Variants in CTNNA3 observed in about 807,000 individuals in gnomAD.
CTNNA3 encodes the protein catenin alpha 3.
In CTNNA3, 76 loss-of-function variants were observed where a neutral mutation model predicts 95.7. That is an observed-to-expected ratio of 0.79 (90% confidence interval 0.66 to 0.96). CTNNA3 has a LOEUF of 0.96. Among genes scored for constraint, CTNNA3 ranks in the 40% least tolerant of loss-of-function variants. The pLI is 0.00. For missense variants in CTNNA3, 1,191 were observed against 1,089.8 expected, an observed-to-expected ratio of 1.09 and a Z score of -1.31; for synonymous variants, 431 against 374.4, an observed-to-expected ratio of 1.15 and a Z score of -1.74.
intron 11 of CTNNA3, among the ~76,000 whole-genome samples, chr10:66,420,798 CAAATAAATAAATAAAT>C (rs547995552): frequency 3.0e-4 from 35 of 115,228 alleles, no homozygotes; most frequent in African/African-American, 1.0e-3. Flanking sequence ...GACTCTGTCT[CAAATAAATAAATAAAT>C]AAATAAATAA....
At chr10:66,439,115 G>A (rs1203071268) in intron 11 of CTNNA3, among the ~76,000 whole-genome samples, 2 of 152,104 alleles carry the variant, frequency 1.3e-5, no homozygotes, top group South Asian at 2.1e-4. Flanking sequence ...CCTGGGAGCT[G>A]AAGACCGGAG....
chr10:66,009,806 G>A (rs1225209135), intron 15 of CTNNA3, among the ~76,000 whole-genome samples: 1 of 152,206 alleles, frequency 6.6e-6, no homozygotes, highest in Non-Finnish European at 1.5e-5. Flanking sequence ...GTCCATGGCT[G>A]ACTCATGCTC....
chr10:67,341,025 A>G (rs1242063885), intron 5 of CTNNA3, among the ~76,000 whole-genome samples: 1 of 152,174 alleles, frequency 6.6e-6, no homozygotes, highest in Non-Finnish European at 1.5e-5. Flanking sequence ...GAAATAAGAC[A>G]TATAGGTTTT....
At chr10:66,333,605 A>G (rs2092357799) in intron 12 of CTNNA3, among the ~76,000 whole-genome samples, 1 of 151,786 alleles carries the variant, frequency 6.6e-6, no homozygotes, top group African/African-American at 2.4e-5. Context: ...AGTTTTTTAC[A>G]ATTTCTGTTC....
At chr10:66,269,415 A>G (rs2091229127) in intron 13 of CTNNA3, among the ~76,000 whole-genome samples, 5 of 152,208 alleles carry the variant, frequency 3.3e-5, no homozygotes, top group Admixed American at 3.3e-4. Context: ...GAGACAAAAG[A>G]AGATATATAA....
chr10:67,203,214 A>C (rs1278053874), intron 6 of CTNNA3, among the ~76,000 whole-genome samples: 1 of 152,108 alleles, frequency 6.6e-6, no homozygotes, highest in Non-Finnish European at 1.5e-5. Flanking sequence ...AAGATAAATG[A>C]ATCATGGGGG....
In CTNNA3 at chr10:67,231,752, G is replaced by A. The variant is rs1219551923; in HGVS notation, c.580-11882C>T. Reference sequence around the variant, plus strand: ...CATTCAAACCAAAGGCAAAGAAGTTGAAAACTTTGAAAAAAATTTAGAAGA... The same window carrying A: ...CATTCAAACCAAAGGCAAAGAAGTTAAAAACTTTGAAAAAAATTTAGAAGA... On this transcript the variant is annotated intron_variant, in intron 5 of 17. Coordinates refer to ENST00000433211, the MANE Select transcript of CTNNA3 (RefSeq NM_013266.4). 2.6e-5 allele frequency among the ~76,000 whole-genome samples: 4 copies of A among 152,044 alleles called. No homozygotes were observed. In the East Asian group the frequency reaches 7.7e-4, roughly 29 times the overall value.
chr10:66,594,838 C>A (rs987954511), intron 10 of CTNNA3, among the ~76,000 whole-genome samples: 1 of 152,080 alleles, frequency 6.6e-6, no homozygotes, highest in Non-Finnish European at 1.5e-5. Flanking sequence ...TTACAAGAAT[C>A]TTTTGTACTT....
intron 5 of CTNNA3, among the ~76,000 whole-genome samples, chr10:67,282,662 C>T (rs376149859): frequency 6.6e-6 from 1 of 152,144 alleles, no homozygotes; most frequent in Non-Finnish European, 1.5e-5. Flanking sequence ...GGGTATGGAG[C>T]TTTTGAGGCA....
chr10:67,249,312 C>T (rs913686182), intron 5 of CTNNA3, among the ~76,000 whole-genome samples: 2 of 152,112 alleles, frequency 1.3e-5, no homozygotes, highest in African/African-American at 4.8e-5. Context: ...ATACAGTCAT[C>T]CCACAGTACC....
intron 15 of CTNNA3, among the ~76,000 whole-genome samples, chr10:66,036,904 G>A (rs10996841): frequency 0.041 from 4,656 of 112,608 alleles, 112 homozygotes; most frequent in Admixed American, 0.11. Flanking sequence ...ACTGAGTCTC[G>A]CCCTGTCGCC....
At chr10:66,807,185 T>G (rs1841687392) in intron 7 of CTNNA3, among the ~76,000 whole-genome samples, 1 of 151,992 alleles carries the variant, frequency 6.6e-6, no homozygotes, top group African/African-American at 2.4e-5. Flanking sequence ...TGTGAAAAAT[T>G]ACCTACTTGT....
intron 11 of CTNNA3, among the ~76,000 whole-genome samples, chr10:66,423,467 C>T (rs1478667029): frequency 2.0e-5 from 3 of 152,152 alleles, no homozygotes; most frequent in Non-Finnish European, 4.4e-5. Context: ...TGATCAAAAA[C>T]CACCTAAATC....
intron 14 of CTNNA3, chr10:66,079,020 T>C (rs2080641836): frequency 6.6e-6 from 1 of 151,882 alleles, no homozygotes; most frequent in Non-Finnish European, 1.5e-5. Flanking sequence ...ACCACAAAGA[T>C]GGAAAAGAAA....
At chr10:67,077,268 A>G (rs1217748865) in intron 7 of CTNNA3, among the ~76,000 whole-genome samples, 4 of 152,166 alleles carry the variant, frequency 2.6e-5, no homozygotes, top group Non-Finnish European at 5.9e-5. Context: ...ACTTTTGTCA[A>G]TGCAAACCAG....
chr10:67,740,957 C>T (rs896802618), intron 1 of CTNNA3, among the ~76,000 whole-genome samples: 1 of 151,372 alleles, frequency 6.6e-6, no homozygotes, highest in Non-Finnish European at 1.5e-5. Context: ...GGTACATATA[C>T]ACCATGGAAT....
chr10:67,151,502 G>A (rs1289839881), intron 7 of CTNNA3, among the ~76,000 whole-genome samples: 4 of 152,078 alleles, frequency 2.6e-5, no homozygotes, highest in Non-Finnish European at 5.9e-5. Context: ...AGATAATCAG[G>A]AACAAAACAA....
intron 9 of CTNNA3, among the ~76,000 whole-genome samples, chr10:66,711,599 A>C (rs1848297973): frequency 6.6e-6 from 1 of 151,716 alleles, no homozygotes; most frequent in African/African-American, 2.4e-5. Context: ...TCCAGGCTGG[A>C]GTGCAATGGC....
chr10:66,460,477 G>A (rs986699066), intron 11 of CTNNA3, among the ~76,000 whole-genome samples: 1 of 152,118 alleles, frequency 6.6e-6, no homozygotes, highest in African/African-American at 2.4e-5. Flanking sequence ...TAGACTTCTT[G>A]GCTATGGGTA....
Sources: allele counts gnomAD v4.1 joint callset (sites outside exome capture counted in the v4.1 genomes callset), GRCh38; gene constraint gnomAD v4.1.1; transcripts MANE v1.5; gene names NCBI Gene and HGNC (gene_info 2026-07-23, HGNC 2026-07-21).